CFAP61: variants seen among roughly 807,000 people sequenced by gnomAD.
CFAP61 encodes the protein cilia and flagella associated protein 61, also known as cilia- and flagella-associated protein 61.
In CFAP61, 107 loss-of-function variants were observed where a neutral mutation model predicts 135.6. The observed-to-expected ratio is 0.79, with a 90% CI of 0.67 to 0.93. The LOEUF (loss-of-function observed/expected upper bound fraction) is 0.93. Among genes scored for constraint, CFAP61 ranks in the 40% least tolerant of loss-of-function variants. The probability of loss-of-function intolerance (pLI) is 0.00; values close to 1 mark genes in which losing one functional copy is unlikely to be tolerated. For missense variants in CFAP61, 1,507 were observed against 1,556.2 expected (o/e 0.97, Z 0.53); for synonymous variants, 575 against 578.5 (o/e 0.99, Z 0.09).
chr20:20,308,769 G>A (rs6112858), intron 25 of CFAP61, among the ~76,000 whole-genome samples: 31,613 of 151,986 alleles, frequency 0.21, 4,492 homozygotes, highest in African/African-American at 0.39. Context: ...TCGTAAAATC[G>A]CTGTTCTTTT....
intron 25 of CFAP61, among the ~76,000 whole-genome samples, chr20:20,298,740 G>A (rs1458872361): frequency 6.6e-6 from 1 of 152,200 alleles, no homozygotes; most frequent in East Asian, 1.9e-4. Context: ...AACAGCATGA[G>A]GAAGGGTCTG....
chr20:20,209,803 C>CAGGCGGGGAGG (rs1427669465), intron 17 of CFAP61, among the ~76,000 whole-genome samples: 1 of 152,140 alleles, frequency 6.6e-6, no homozygotes, highest in Non-Finnish European at 1.5e-5. Context: ...GGCATCGTGG[C>CAGGCGGGGAGG]AGGCGGGGAG....
intron 9 of CFAP61, among the ~76,000 whole-genome samples, chr20:20,152,346 G>A (rs779047558): frequency 6.7e-6 from 1 of 149,812 alleles, no homozygotes; most frequent in Non-Finnish European, 1.5e-5. Flanking sequence ...CAACTAGCAT[G>A]TTGAATAAAA....
chr20:20,133,158 T>G (rs1000388573), intron 8 of CFAP61, among the ~76,000 whole-genome samples: 2 of 152,226 alleles, frequency 1.3e-5, no homozygotes, highest in African/African-American at 4.8e-5. Flanking sequence ...TTTTGTTGAT[T>G]CTATTACTTC....
At chr20:20,198,161 C>A (rs1230297995) in intron 16 of CFAP61, among the ~76,000 whole-genome samples, 1 of 152,082 alleles carries the variant, frequency 6.6e-6, no homozygotes, top group East Asian at 1.9e-4. Flanking sequence ...AAATGCAGCA[C>A]CATGGCAATG....
intron 10 of CFAP61, 43 bp downstream of exon 10, chr20:20,159,487 A>G: frequency 1.9e-6 from 3 of 1,538,968 alleles, no homozygotes; most frequent in Non-Finnish European, 2.7e-6. Flanking sequence ...TAGCCACCCC[A>G]TGGGTTTCAC....
intron 18 of CFAP61, among the ~76,000 whole-genome samples, chr20:20,243,239 T>G (rs1219932228): frequency 6.6e-6 from 1 of 152,012 alleles, no homozygotes; most frequent in East Asian, 1.9e-4. Context: ...AAGAACAGCA[T>G]GGGAAAGACC....
intron 2 of CFAP61, among the ~76,000 whole-genome samples, chr20:20,070,442 G>A (rs935431046): frequency 1.3e-5 from 2 of 152,074 alleles, no homozygotes; most frequent in African/African-American, 4.8e-5. Flanking sequence ...TGCCATGAAA[G>A]TCCTATATCT....
intron 22 of CFAP61, 92 bp downstream of exon 22, chr20:20,277,550 T>C: frequency 7.5e-7 from 1 of 1,341,462 alleles, no homozygotes; most frequent in Non-Finnish European, 1.0e-6. Context: ...GGCAGTGAAT[T>C]TGTAGTACCA....
intron 6 of CFAP61, among the ~76,000 whole-genome samples, chr20:20,087,334 A>G (rs972963018): frequency 5.3e-5 from 8 of 152,006 alleles, no homozygotes; most frequent in African/African-American, 1.7e-4. Context: ...TACCATCTTT[A>G]TGTCCCTGAG....
chr20:20,129,557 G>A (rs571704124), intron 8 of CFAP61, among the ~76,000 whole-genome samples: 1 of 149,212 alleles, frequency 6.7e-6, no homozygotes, highest in African/African-American at 2.5e-5. Context: ...AGTCACATCT[G>A]TTTGATGCTC....
chr20:20,060,350 A>G (rs1274693268), intron 2 of CFAP61, among the ~76,000 whole-genome samples: 3 of 152,246 alleles, frequency 2.0e-5, no homozygotes, highest in South Asian at 2.1e-4. Context: ...TTGGAGGAAC[A>G]GAGAATACCT....
chr20:20,295,859 C>G (rs188376148), intron 24 of CFAP61, among the ~76,000 whole-genome samples: 1,512 of 151,036 alleles, frequency 0.01, 56 homozygotes, highest in Admixed American at 0.072. Context: ...TAGAGAGATG[C>G]CTGTGGCAGG....
chr20:20,222,009 G>T (rs943660726), intron 17 of CFAP61: 2 of 152,250 alleles, frequency 1.3e-5, no homozygotes, highest in African/African-American at 4.8e-5. Context: ...CCATGCACAG[G>T]TAAGGACAAC....
intron 17 of CFAP61, among the ~76,000 whole-genome samples, chr20:20,217,686 T>A (rs559541571): frequency 3.3e-5 from 5 of 152,164 alleles, no homozygotes; most frequent in African/African-American, 4.8e-5. Context: ...GAACAGAAGT[T>A]CTCATCTTAT....
At chr20:20,159,208 T>G (rs1378804657) in intron 9 of CFAP61, among the ~76,000 whole-genome samples, 162 bp from the exon 10 acceptor site, 3 of 152,178 alleles carry the variant, frequency 2.0e-5, no homozygotes, top group Admixed American at 2.0e-4. Context: ...TCTCATCCCC[T>G]TTTCACAGAG....
chr20:20,291,042 G>C lies in CFAP61; in HGVS notation c.3216+651G>C, dbSNP rs1415707483. On this transcript the variant is annotated intron_variant, in intron 24 of 26. Transcript: ENST00000245957. ...TGTTTTGGTTTCATAACAAAATTGAGCAGAGGTACAAAGATTTCCCATGTA... is the reference window on the plus strand; with the variant it reads ...TGTTTTGGTTTCATAACAAAATTGACCAGAGGTACAAAGATTTCCCATGTA... 2.6e-5 allele frequency among the ~76,000 whole-genome samples: 4 copies of C among 152,082 alleles called. No individual in the cohort carries two copies. In the East Asian group the frequency reaches 7.7e-4, roughly 29 times the overall value.
chr20:20,148,340 G>A (rs1483539667), intron 9 of CFAP61, among the ~76,000 whole-genome samples: 1 of 152,110 alleles, frequency 6.6e-6, no homozygotes, highest in East Asian at 1.9e-4. Context: ...GATTGCTTTT[G>A]GCAGTATGGT....
chr20:20,131,866 A>T (rs2050554646), intron 8 of CFAP61, among the ~76,000 whole-genome samples: 1 of 152,014 alleles, frequency 6.6e-6, no homozygotes, highest in Non-Finnish European at 1.5e-5. Context: ...CATTTTATAT[A>T]TTCTTTGACT....
Sources: allele counts gnomAD v4.1 joint callset (sites outside exome capture counted in the v4.1 genomes callset), GRCh38; gene constraint gnomAD v4.1.1; transcripts MANE v1.5; gene names NCBI Gene and HGNC (gene_info 2026-07-23, HGNC 2026-07-21).